The following SRRM4 variants were observed in gnomAD, a reference collection of about 807,000 sequenced individuals.
SRRM4 encodes serine/arginine repetitive matrix protein 4.
A neutral mutation model predicts 68.9 loss-of-function variants in SRRM4; 33 were observed. That is an observed-to-expected ratio of 0.48 (90% CI 0.36 to 0.64). The LOEUF (loss-of-function observed/expected upper bound fraction) is 0.64. Ranked by LOEUF, SRRM4 falls within the 30% of genes least tolerant of loss-of-function variation. The pLI is 0.00. For synonymous variants in SRRM4, 318 were observed against 318.8 expected (o/e 1.00, Z 0.03); for missense variants, 817 against 827.1 (o/e 0.99, Z 0.15).
intron 10 of SRRM4, among the ~76,000 whole-genome samples, chr12:119,151,631 G>A (rs146562881): frequency 6.6e-6 from 1 of 152,078 alleles, no homozygotes; most frequent in African/African-American, 2.4e-5. Context: ...TCAGCAATTG[G>A]GCTGGGCTCA....
chr12:119,138,525 G>A (rs1391966723), intron 8 of SRRM4, among the ~76,000 whole-genome samples: 1 of 152,136 alleles, frequency 6.6e-6, no homozygotes, highest in Non-Finnish European at 1.5e-5. Context: ...ATGGGGAACT[G>A]GTGTATAAAT....
chr12:118,997,702 A>G (rs1316070387), intron 1 of SRRM4, among the ~76,000 whole-genome samples: 1 of 152,244 alleles, frequency 6.6e-6, no homozygotes, highest in African/African-American at 2.4e-5. Context: ...GTAAAAAAGA[A>G]CAGGGGAAAA....
intron 6 of SRRM4, among the ~76,000 whole-genome samples, chr12:119,124,932 G>C (rs536616962): frequency 3.3e-5 from 5 of 152,186 alleles, no homozygotes; most frequent in African/African-American, 1.2e-4. Context: ...AAATATTCTG[G>C]AGGCAAAGCA....
At chr12:119,121,502 G>T (rs1305934052) in intron 5 of SRRM4, among the ~76,000 whole-genome samples, 1 of 152,196 alleles carries the variant, frequency 6.6e-6, no homozygotes, top group Non-Finnish European at 1.5e-5. Context: ...CAAGCGTCAT[G>T]AGAGTTCAAA....
At chr12:119,094,479 C>G (rs1954031393) in intron 1 of SRRM4, among the ~76,000 whole-genome samples, 1 of 152,160 alleles carries the variant, frequency 6.6e-6, no homozygotes, top group Non-Finnish European at 1.5e-5. Flanking sequence ...AGAATCCAGC[C>G]CCTTTCTTCC....
chr12:119,137,887 G>A (rs921101819), intron 8 of SRRM4, among the ~76,000 whole-genome samples: 2 of 152,192 alleles, frequency 1.3e-5, no homozygotes, highest in South Asian at 4.2e-4. Flanking sequence ...GGATTAAAAA[G>A]GTCGAGATGG....
intron 1 of SRRM4, among the ~76,000 whole-genome samples, chr12:119,007,775 C>T (rs1230305832): frequency 6.7e-6 from 1 of 149,380 alleles, no homozygotes; most frequent in East Asian, 1.9e-4. Flanking sequence ...TTTAGCAGCA[C>T]TCCTCCTGTA....
At chr12:119,118,265 G>C (rs1954194128) in intron 4 of SRRM4, among the ~76,000 whole-genome samples, 1 of 152,230 alleles carries the variant, frequency 6.6e-6, no homozygotes, top group African/African-American at 2.4e-5. Flanking sequence ...TGGGAAAAGA[G>C]TGATTTATAT....
At chr12:118,996,266 A>C (rs546331807) in intron 1 of SRRM4, among the ~76,000 whole-genome samples, 2 of 152,344 alleles carry the variant, frequency 1.3e-5, no homozygotes, top group Admixed American at 6.5e-5. Flanking sequence ...AATCACAGGC[A>C]TCTTGGGTTT....
chr12:119,072,994 G>C (rs1386815912), intron 1 of SRRM4, among the ~76,000 whole-genome samples: 1 of 152,018 alleles, frequency 6.6e-6, no homozygotes, highest in Non-Finnish European at 1.5e-5. Flanking sequence ...AAAGAGAACA[G>C]AGAAATGAGA....
intron 1 of SRRM4, among the ~76,000 whole-genome samples, chr12:119,078,769 A>T (rs60407065): frequency 0.23 from 34,853 of 151,964 alleles, 4,363 homozygotes; most frequent in East Asian, 0.31. Context: ...AAAAAAATTT[A>T]AAATTCAAAA....
At chr12:118,982,100 G>C (rs1953251522) in intron 1 of SRRM4, 87 bp downstream of exon 1, 1 of 1,473,748 alleles carries the variant, frequency 6.8e-7, no homozygotes, top group Admixed American at 2.3e-5. Flanking sequence ...GATGCAGGCA[G>C]CCGGGCCAGG....
At chr12:118,996,424 T>C (rs1953349944) in intron 1 of SRRM4, among the ~76,000 whole-genome samples, 1 of 152,210 alleles carries the variant, frequency 6.6e-6, no homozygotes. Flanking sequence ...AAAAATAAAA[T>C]TTTCTCTATT....
chr12:119,126,155 C>G (rs1267731677), intron 7 of SRRM4, among the ~76,000 whole-genome samples: 1 of 149,878 alleles, frequency 6.7e-6, no homozygotes, highest in Non-Finnish European at 1.5e-5. Flanking sequence ...TCCAGAGTAG[C>G]TGGGACTACA....
At chr12:119,046,118 G>A (rs952968023) in intron 1 of SRRM4, among the ~76,000 whole-genome samples, 54 of 152,100 alleles carry the variant, frequency 3.6e-4, no homozygotes, top group African/African-American at 1.2e-3. Flanking sequence ...GAAAGGAGGC[G>A]TGCTTTGGGC....
At chr12:119,049,955 G>T (rs1372522347) in intron 1 of SRRM4, among the ~76,000 whole-genome samples, 1 of 152,166 alleles carries the variant, frequency 6.6e-6, no homozygotes, top group Non-Finnish European at 1.5e-5. Flanking sequence ...ATTTTCAAAT[G>T]CAATCACATT....
intron 8 of SRRM4, among the ~76,000 whole-genome samples, chr12:119,144,770 T>C (rs1357530818): frequency 6.6e-6 from 1 of 152,186 alleles, no homozygotes; most frequent in African/African-American, 2.4e-5. Context: ...GTTTGCGACC[T>C]TGACTTTATA....
chr12:119,155,752 T>G (rs1390596300), intron 12 of SRRM4, among the ~76,000 whole-genome samples: 1 of 152,138 alleles, frequency 6.6e-6, no homozygotes, highest in Non-Finnish European at 1.5e-5. Context: ...ATGTAATTAA[T>G]ATAATATAAT....
intron 7 of SRRM4, among the ~76,000 whole-genome samples, chr12:119,126,844 T>C (rs1423179528): frequency 6.7e-6 from 1 of 149,960 alleles, no homozygotes; most frequent in Non-Finnish European, 1.5e-5. Context: ...ATTAAGAAAA[T>C]GTGGCACATA....
Sources: gnomAD v4.1 joint callset for allele counts (sites outside exome capture counted in the v4.1 genomes callset) on GRCh38, gnomAD v4.1.1 for gene constraint, MANE v1.5 for transcripts, NCBI Gene and HGNC (gene_info 2026-07-23, HGNC 2026-07-21) for gene names.